Variants in TRIM49C observed in about 807,000 individuals in gnomAD.
The protein encoded by TRIM49C is tripartite motif-containing protein 49C.
Under a neutral mutation model 21.4 loss-of-function variants are expected in TRIM49C, and 6 were observed. That is an observed-to-expected ratio of 0.28 (90% CI 0.15 to 0.55). The LOEUF (loss-of-function observed/expected upper bound fraction) is 0.55. TRIM49C is among the 20% of genes least tolerant of loss of function. The probability of loss-of-function intolerance (pLI) is 0.94; values close to 1 mark genes in which losing one functional copy is unlikely to be tolerated. For synonymous variants in TRIM49C, 57 were observed against 148.1 expected, an observed-to-expected ratio of 0.38 and a Z score of 4.47; for missense variants, 161 against 442.4, an observed-to-expected ratio of 0.36 and a Z score of 5.71.
downstream of TRIM49C, among the ~76,000 whole-genome samples, chr11:90,045,650 G>C (rs1388727673): frequency 2.8e-5 from 2 of 72,368 alleles, no homozygotes; most frequent in East Asian, 8.3e-4. Flanking sequence ...TGCTGAAGTT[G>C]CTTATCAGCT....
At chr11:90,033,959 A>C (rs660186) in intron 2 of TRIM49C, among the ~76,000 whole-genome samples, 2 of 83,930 alleles carry the variant, frequency 2.4e-5, no homozygotes, top group Middle Eastern at 5.6e-3. Context: ...AAAAAAAACA[A>C]AAAAAAAAAC....
rs761386716 is a variant in TRIM49C at position 90,041,303 on chromosome 11, T to C, written c.1112T>C (p.Ile371Thr). ...AAGGAGAAGAATCAGAATGAGAAGATAGATGGAAAGGAGGGACTCTTTCTT... is the reference window on the plus strand; with the variant it reads ...AAGGAGAAGAATCAGAATGAGAAGACAGATGGAAAGGAGGGACTCTTTCTT... ...YRKEKNQNEK[I>T]DGKEGLFLLG... Residue 371 changes from isoleucine to threonine, a missense_variant, in exon 8 of 8, where the codon ATA becomes ACA. By Grantham distance (89) the Ile-to-Thr change is moderately conservative (BLOSUM62 -1). Transcript: ENST00000448984. 116 of 1,589,894 alleles carry C rather than the reference T, an allele frequency of 7.3e-5. 11 individuals are homozygous for C. The South Asian group carries it at 8.9e-4, about 12-fold the overall frequency.
At chr11:90,054,405 G>A in the TRIM49C span, among the ~76,000 whole-genome samples, 1 of 136,126 alleles carries the variant, frequency 7.3e-6, no homozygotes, top group African/African-American at 2.6e-5. Context: ...CTCCATTCAA[G>A]AGGTGATTTT....
chr11:90,064,189 T>G, the TRIM49C span, among the ~76,000 whole-genome samples: 1 of 146,666 alleles, frequency 6.8e-6, no homozygotes, highest in South Asian at 2.2e-4. Context: ...ACCATTAAAT[T>G]TGTCCTTTTA....
the TRIM49C span, among the ~76,000 whole-genome samples, chr11:90,047,816 G>T: frequency 9.4e-6 from 1 of 106,820 alleles, no homozygotes; most frequent in African/African-American, 3.9e-5. Flanking sequence ...TCATTATGAT[G>T]TTAGCTGGTT....
intron 5 of TRIM49C, 114 bp from the exon 6 acceptor site, chr11:90,038,579 G>A (rs1950743390): frequency 1.7e-6 from 2 of 1,186,048 alleles, no homozygotes; most frequent in Non-Finnish European, 2.3e-6. Context: ...TTCCAGAAGA[G>A]AAGATGGTAG....
chr11:90,072,695 TC>T, the TRIM49C span, among the ~76,000 whole-genome samples: 2 of 132,424 alleles, frequency 1.5e-5, no homozygotes, highest in Admixed American at 8.7e-5. Flanking sequence ...ATGACCTTCC[TC>T]CCCTTTATAC....
At chr11:90,049,285 T>C in the TRIM49C span, among the ~76,000 whole-genome samples, 33 of 100,996 alleles carry the variant, frequency 3.3e-4, 7 homozygotes, top group Non-Finnish European at 5.2e-4. Flanking sequence ...TCTTCAAAGC[T>C]GTCAGACAGG....
the TRIM49C span, among the ~76,000 whole-genome samples, chr11:90,056,158 C>T: frequency 2.9e-5 from 4 of 135,876 alleles, 1 homozygote; most frequent in African/African-American, 1.0e-4. Context: ...GACGGGGTTT[C>T]ACCGTGTTAG....
intron 6 of TRIM49C, 57 bp downstream of exon 6, chr11:90,038,772 C>A: frequency 1.4e-6 from 1 of 711,222 alleles, no homozygotes; most frequent in Non-Finnish European, 2.1e-6. Flanking sequence ...ACTATCAAAG[C>A]AGGCTCTATT....
At chr11:90,032,211 T>C (rs1231069964) in intron 1 of TRIM49C, among the ~76,000 whole-genome samples, 186 bp from the exon 2 acceptor site, 1 of 133,494 alleles carries the variant, frequency 7.5e-6, no homozygotes, top group Non-Finnish European at 1.6e-5. Flanking sequence ...CTAGCCTATG[T>C]ATGCTCTGAC....
Position 90,041,335 on chromosome 11 carries a change from T to C in TRIM49C, c.1144T>C (p.Cys382Arg), listed in dbSNP as rs1950768881. The C allele has an allele frequency of 6.3e-7, 1 of 1,590,266 alleles. No individual in the cohort carries two copies. The highest frequency in any genetic ancestry group is 8.6e-7 in the Non-Finnish European group (1 of 1,165,074). Residue 382 changes from cysteine to arginine, a missense_variant, in exon 8 of 8, where the codon TGT becomes CGT. Transcript: ENST00000448984. ...AAAGGAGGGACTCTTTCTTCTTGGGTGTATTAAGAATGACATTCAATGCAG... is the reference window on the plus strand; with the variant it reads ...AAAGGAGGGACTCTTTCTTCTTGGGCGTATTAAGAATGACATTCAATGCAG... Reference protein sequence around the residue: ...DGKEGLFLLGCIKNDIQCSLF... With the variant: ...DGKEGLFLLGRIKNDIQCSLF...
the TRIM49C span, chr11:90,051,945 C>A: frequency 1.1e-6 from 1 of 945,972 alleles, no homozygotes; most frequent in South Asian, 1.6e-5. Flanking sequence ...CCTTGTTATG[C>A]CACTTGGGTA....
chr11:90,037,037 GTATA>G (rs369372649), intron 4 of TRIM49C, among the ~76,000 whole-genome samples: 1 of 117,510 alleles, frequency 8.5e-6, no homozygotes, highest in Non-Finnish European at 1.8e-5. Context: ...CCATGAGTGT[GTATA>G]TGTATGTATG....
At chr11:90,037,089 ATGT>A (rs1950733789) in intron 4 of TRIM49C, among the ~76,000 whole-genome samples, 1 of 132,814 alleles carries the variant, frequency 7.5e-6, no homozygotes, top group Non-Finnish European at 1.6e-5. Context: ...GTATGTATGT[ATGT>A]ATGTATGTGT....
chr11:90,055,841 C>A, the TRIM49C span, among the ~76,000 whole-genome samples: 21 of 144,202 alleles, frequency 1.5e-4, 1 homozygote, highest in African/African-American at 5.0e-4. Context: ...GAGAGAAATG[C>A]ATCTTCTGAA....
chr11:90,052,955 G>A, the TRIM49C span: 1 of 140,640 alleles, frequency 7.1e-6, no homozygotes, highest in Non-Finnish European at 1.6e-5. Context: ...TCTCTCCTGG[G>A]GTCTGGGACT....
chr11:90,034,287 G>A (rs3874085), intron 2 of TRIM49C, among the ~76,000 whole-genome samples: 12,518 of 101,356 alleles, frequency 0.12, 1,492 homozygotes, highest in African/African-American at 0.35. Context: ...CAGCTCACCA[G>A]CTCACATGTC....
At position 90,035,382 on chromosome 11, in the gene TRIM49C, G is replaced by C; in HGVS notation, c.171G>C (p.Lys57Asn). 1 of 1,486,320 alleles carries C rather than the reference G, an allele frequency of 6.7e-7. No homozygotes were observed. Among genetic ancestry groups the C allele is most frequent in the Non-Finnish European group, 9.0e-7 (1 of 1,105,058 alleles). The allele number at this position is 1,486,320 out of a possible 1,614,324, so 92.1% of individuals were successfully genotyped here. A position where few individuals can be genotyped will look rare whatever the true frequency, so the allele number is the denominator to read the frequency against. The change falls in exon 3 of 8, where the codon AAG becomes AAC. Residue 57 changes from lysine (K) to asparagine (N), a missense_variant. Lys to Asn is a moderately conservative substitution (Grantham distance 94). This residue lies in a region of TRIM49C where 80 missense variants were observed against 314.8 expected (regional missense o/e 0.25). Transcript: ENST00000448984. ...PFLVQCSECT[K>N]STEQINLKTN... ...TTGTCCAGTGCTCTGAATGCACAAA[G>C]TCAACAGAGCAGATAAACCTCAAAA...
Sources: gnomAD v4.1 joint callset for allele counts (sites outside exome capture counted in the v4.1 genomes callset) on GRCh38, gnomAD v4.1.1 for gene constraint, gnomAD v4.1.1 regional missense constraint, MANE v1.5 for transcripts, NCBI Gene and HGNC (gene_info 2026-07-23, HGNC 2026-07-21) for gene names.